GPC6: variants seen among roughly 807,000 people sequenced by gnomAD.
GPC6 encodes the protein glypican-6.
Under a neutral mutation model 55.2 loss-of-function variants are expected in GPC6, and 14 were observed. The ratio of observed to expected loss-of-function variants is 0.25; its 90% CI spans 0.17 to 0.40. The LOEUF (loss-of-function observed/expected upper bound fraction) is 0.40, where lower values mean the gene tolerates loss of function less well. Ranked by LOEUF, GPC6 falls within the 10% of genes least tolerant of loss-of-function variation. GPC6 has a pLI of 1.00. For synonymous variants in GPC6, 278 were observed against 259.6 expected (o/e 1.07, Z -0.68); for missense variants, 641 against 708.5 (o/e 0.90, Z 1.08).
chr13:93,494,651 G>T (rs1880179131), intron 1 of GPC6, among the ~76,000 whole-genome samples: 1 of 152,074 alleles, frequency 6.6e-6, no homozygotes, highest in Non-Finnish European at 1.5e-5. Flanking sequence ...TGATTTTGCA[G>T]CGGCTGGTAC....
chr13:93,343,177 A>G (rs1430222517), intron 1 of GPC6, among the ~76,000 whole-genome samples: 3 of 137,656 alleles, frequency 2.2e-5, no homozygotes, highest in African/African-American at 8.3e-5. Context: ...ACATTTGCTT[A>G]GCTTTCCAAA....
chr13:94,140,994 AAAAC>A (rs1011023371), intron 4 of GPC6, among the ~76,000 whole-genome samples: 10 of 152,108 alleles, frequency 6.6e-5, no homozygotes, highest in South Asian at 6.2e-4. Flanking sequence ...AAACAAAACA[AAAAC>A]AAACAAACAA....
At chr13:93,705,449 G>T (rs1364532542) in intron 2 of GPC6, among the ~76,000 whole-genome samples, 1 of 151,864 alleles carries the variant, frequency 6.6e-6, no homozygotes, top group African/African-American at 2.4e-5. Flanking sequence ...TAACTTAAAT[G>T]TGTTTTATAA....
rs140233432 is a variant in GPC6 at position 93,882,027 on chromosome 13, G to A, written c.711+51482G>A. ...TTCAATCAAAACATGGTTTTCCCAA[G>A]TATTTTTTTTCCTTACTTTCTCCTC... On this transcript the variant is annotated intron_variant, in intron 3 of 8. Transcript: ENST00000377047. Among the ~76,000 whole-genome samples, 319 of 151,804 alleles carry A rather than the reference G, an allele frequency of 2.1e-3. 2 individuals carry two copies. The highest frequency in any genetic ancestry group is 7.1e-3 in the African/African-American group (294 of 41,452).
At position 93,574,252 on chromosome 13, in the gene GPC6, C is replaced by T. The variant is rs1283957944; in HGVS notation, c.319+28831C>T. 2.0e-5 allele frequency among the ~76,000 whole-genome samples: 3 copies of T among 152,044 alleles called. No individual in the cohort carries two copies. The South Asian group carries it at 6.2e-4, about 32-fold the overall frequency. On this transcript the variant is annotated intron_variant, in intron 2 of 8. Coordinates refer to ENST00000377047, the MANE Select transcript of GPC6 (RefSeq NM_005708.5). The stretch of plus-strand genomic sequence containing the variant: ...TGTAATTAGTTAAGATGAGGTTATA[C>T]TGGAGCAAAGTTAATCCTTAATTCA...
At chr13:94,384,510 G>A (rs1880313497) in intron 7 of GPC6, among the ~76,000 whole-genome samples, 1 of 152,162 alleles carries the variant, frequency 6.6e-6, no homozygotes, top group Admixed American at 6.5e-5. Context: ...ACAGGTTGCT[G>A]ATATTAGTCC....
At chr13:94,017,344 G>A (rs561699707) in intron 3 of GPC6, among the ~76,000 whole-genome samples, 1 of 152,204 alleles carries the variant, frequency 6.6e-6, no homozygotes, top group South Asian at 2.1e-4. Flanking sequence ...ATTTATAAAG[G>A]AAAGAGGTTT....
chr13:93,892,523 T>A (rs1407785238), intron 3 of GPC6, among the ~76,000 whole-genome samples: 1 of 152,172 alleles, frequency 6.6e-6, no homozygotes, highest in African/African-American at 2.4e-5. Flanking sequence ...TATTTTAAAT[T>A]TATTTTGCCA....
At chr13:93,563,732 C>T (rs1405177757) in intron 2 of GPC6, among the ~76,000 whole-genome samples, 1 of 150,266 alleles carries the variant, frequency 6.7e-6, no homozygotes, top group African/African-American at 2.5e-5. Flanking sequence ...CTGGGCAGTA[C>T]CTGAAGATGG....
intron 4 of GPC6, among the ~76,000 whole-genome samples, chr13:94,158,396 C>G (rs1035681115): frequency 1.4e-5 from 2 of 142,116 alleles, no homozygotes; most frequent in Admixed American, 7.1e-5. Context: ...AAAAAAAAGA[C>G]TAATCTGAGA....
At chr13:93,266,215 A>G (rs1311970005) in intron 1 of GPC6, among the ~76,000 whole-genome samples, 2 of 152,188 alleles carry the variant, frequency 1.3e-5, no homozygotes, top group Non-Finnish European at 2.9e-5. Context: ...TTACAGATTA[A>G]TTTTACCTAC....
intron 4 of GPC6, among the ~76,000 whole-genome samples, chr13:94,098,973 C>T (rs946378988): frequency 1.3e-5 from 2 of 152,018 alleles, no homozygotes; most frequent in Non-Finnish European, 2.9e-5. Context: ...AGTCTGAAGC[C>T]GTTAGCAGTC....
chr13:93,586,122 C>T (rs1877187659), intron 2 of GPC6, among the ~76,000 whole-genome samples: 1 of 152,046 alleles, frequency 6.6e-6, no homozygotes, highest in African/African-American at 2.4e-5. Flanking sequence ...TGATCTTTAC[C>T]CTCCAAAAGG....
chr13:93,227,584 G>C lies in GPC6; in HGVS notation c.128G>C (p.Ser43Thr), dbSNP rs1228767778. 2 of 1,610,206 alleles carry C rather than the reference G, an allele frequency of 1.2e-6. No homozygotes were observed. Among genetic ancestry groups the C allele is most frequent in the Admixed American group, 1.7e-5 (1 of 59,970 alleles). The change falls in exon 1 of 9, where the codon AGC (serine) becomes ACC (threonine). Residue 43 changes from serine (S) to threonine (T), a missense_variant. Transcript: ENST00000377047. This position sits in a 1 kb window ranked among gnomAD's most constrained non-coding sequence, Gnocchi z 4.3. ...CAGGCGTACGGTGCCAAGGGATTCAGCCTGGCGGACATCCCCTACCAGGAG... is the reference window on the plus strand; with the variant it reads ...CAGGCGTACGGTGCCAAGGGATTCACCCTGGCGGACATCCCCTACCAGGAG... ...VRQAYGAKGF[S>T]LADIPYQEIA...
At chr13:93,446,963 T>TG (rs998269280) in intron 1 of GPC6, among the ~76,000 whole-genome samples, 1 of 151,746 alleles carries the variant, frequency 6.6e-6, no homozygotes, top group African/African-American at 2.4e-5. Flanking sequence ...CTAATTTTTT[T>TG]GGGGGGGTGG....
intron 4 of GPC6, among the ~76,000 whole-genome samples, chr13:94,068,307 C>T (rs567952206): frequency 1.5e-3 from 223 of 152,246 alleles, no homozygotes; most frequent in African/African-American, 5.3e-3. Flanking sequence ...ATCACAAGAA[C>T]ACCATGGGAA....
chr13:93,263,659 C>G (rs887868717), intron 1 of GPC6, among the ~76,000 whole-genome samples: 1 of 152,092 alleles, frequency 6.6e-6, no homozygotes, highest in Non-Finnish European at 1.5e-5. Context: ...GCCACCACGC[C>G]CCGCCACTGC....
At chr13:93,589,519 G>A (rs555896864) in intron 2 of GPC6, among the ~76,000 whole-genome samples, 1 of 152,146 alleles carries the variant, frequency 6.6e-6, no homozygotes, top group African/African-American at 2.4e-5. Flanking sequence ...ATCATTGTAC[G>A]TTTTGGTAAA....
intron 4 of GPC6, among the ~76,000 whole-genome samples, chr13:94,031,980 A>G (rs925217147): frequency 6.6e-6 from 1 of 152,198 alleles, no homozygotes; most frequent in African/African-American, 2.4e-5. Flanking sequence ...TTTATAGACT[A>G]TGAGAACCAG....
Sources: gnomAD v4.1 joint callset for allele counts (sites outside exome capture counted in the v4.1 genomes callset) on GRCh38, gnomAD v4.1.1 for gene constraint, Gnocchi (gnomAD v3.1) non-coding constraint, MANE v1.5 for transcripts, NCBI Gene and HGNC (gene_info 2026-07-23, HGNC 2026-07-21) for gene names.